The following ALOX5 variants were observed in gnomAD, a reference collection of about 807,000 sequenced individuals.
ALOX5 encodes the protein polyunsaturated fatty acid 5-lipoxygenase.
A neutral mutation model predicts 87.9 loss-of-function variants in ALOX5; 64 were observed. That is an observed-to-expected ratio of 0.73 (90% confidence interval 0.60 to 0.90). ALOX5 has a LOEUF of 0.90. Among genes scored for constraint, ALOX5 ranks in the 40% least tolerant of loss-of-function variants. The pLI is 0.00. For synonymous variants in ALOX5, 388 were observed against 355.1 expected (o/e 1.09, Z -1.04); for missense variants, 822 against 907.5 (o/e 0.91, Z 1.21).
At chr10:45,437,803 A>G (rs1452978486) in intron 7 of ALOX5, among the ~76,000 whole-genome samples, 1 of 152,278 alleles carries the variant, frequency 6.6e-6, no homozygotes, top group Non-Finnish European at 1.5e-5. Context: ...CAATGGAGAC[A>G]GGACACGGTA....
chr10:45,443,991 G>T, intron 12 of ALOX5, 125 bp from the exon 13 acceptor site: 2 of 1,436,946 alleles, frequency 1.4e-6, no homozygotes, highest in Non-Finnish European at 1.9e-6. Context: ...CTGGCCGCGG[G>T]GAAAGAGGAT....
At chr10:45,392,228 C>G (rs951020008) in intron 2 of ALOX5, among the ~76,000 whole-genome samples, 15 of 152,272 alleles carry the variant, frequency 9.9e-5, no homozygotes, top group Admixed American at 7.2e-4. Context: ...TCATTGAGAA[C>G]GGGCCATGAT....
intron 13 of ALOX5, 48 bp from the exon 14 acceptor site, chr10:45,445,460 C>T (rs984154419): frequency 3.2e-6 from 5 of 1,581,050 alleles, no homozygotes; most frequent in South Asian, 1.1e-5. Context: ...TGTCAGTTTA[C>T]ACGGGTAGTG....
intron 2 of ALOX5, among the ~76,000 whole-genome samples, chr10:45,392,549 T>A (rs1034560058): frequency 2.0e-5 from 3 of 151,868 alleles, no homozygotes; most frequent in African/African-American, 7.3e-5. Context: ...TAATCTCAAG[T>A]ACCCAGGGAC....
intron 4 of ALOX5, among the ~76,000 whole-genome samples, chr10:45,414,320 A>C (rs1841185975): frequency 1.3e-5 from 2 of 152,350 alleles, no homozygotes; most frequent in South Asian, 4.1e-4. Flanking sequence ...CAAACCTGAC[A>C]AAAACAAGCA....
At chr10:45,424,257 G>T in intron 5 of ALOX5, 110 bp downstream of exon 5, 5 of 898,902 alleles carry the variant, frequency 5.6e-6, no homozygotes, top group Non-Finnish European at 9.1e-6. Flanking sequence ...TGCAGCATGG[G>T]GGCCTCGCTG....
chr10:45,408,049 C>T (rs1444691627), intron 3 of ALOX5, among the ~76,000 whole-genome samples: 1 of 152,102 alleles, frequency 6.6e-6, no homozygotes, highest in African/African-American at 2.4e-5. Context: ...TAAAGGAGTT[C>T]TTCTTTTATT....
chr10:45,417,125 C>T (rs1003265697), intron 4 of ALOX5, among the ~76,000 whole-genome samples: 1 of 152,034 alleles, frequency 6.6e-6, no homozygotes, highest in African/African-American at 2.4e-5. Flanking sequence ...ACCCACCTGG[C>T]CCCTGAGTGC....
At position 45,445,688 on chromosome 10, in the gene ALOX5, G is replaced by C; in HGVS notation, c.*1G>C. 2 of 1,608,286 alleles carry C rather than the reference G, an allele frequency of 1.2e-6. No individual in the cohort carries two copies. The highest frequency in any genetic ancestry group is 1.7e-6 in the Non-Finnish European group (2 of 1,175,560). On this transcript the variant is annotated 3_prime_UTR_variant, in exon 14 of 14. Coordinates refer to ENST00000374391, the MANE Select transcript of ALOX5 (RefSeq NM_000698.5). The stretch of plus-strand genomic sequence containing the variant: ...GATTCCGAACAGTGTGGCCATCTGA[G>C]CACACTGCCAGTCTCACTGTGGGAA...
chr10:45,443,953 A>G (rs752191522), intron 12 of ALOX5, 125 bp downstream of exon 12: 23 of 1,437,554 alleles, frequency 1.6e-5, no homozygotes, highest in Non-Finnish European at 2.2e-5. Flanking sequence ...GACTTGCAGG[A>G]TGGATTCTGC....
At chr10:45,414,585 A>G (rs113124877) in intron 4 of ALOX5, among the ~76,000 whole-genome samples, 2,664 of 152,330 alleles carry the variant, frequency 0.017, 75 homozygotes, top group African/African-American at 0.059. Context: ...AAAATGGACA[A>G]ATGGGATCTA....
In ALOX5 at chr10:45,443,748, A is replaced by G; in HGVS notation, c.1594A>G (p.Ser532Gly). The change falls in exon 12 of 14, where the codon AGC becomes GGC. Residue 532 changes from serine (S) to glycine (G), a missense_variant. Transcript: ENST00000374391. ...CCTAGGCTTCCCCAAGTCGGTCAAG[A>G]GCCGGGAGCAGCTGTCGGAGTACCT... The part of the protein sequence containing the change: ...KSSGFPKSVK[S>G]REQLSEYLTV... The G allele has an allele frequency of 6.2e-7, 1 of 1,612,144 alleles. No individual in the cohort carries two copies.
At position 45,440,418 on chromosome 10, in the gene ALOX5, C is replaced by T. The variant is rs370360074; in HGVS notation, c.982-12C>T. 1.4e-5 allele frequency: 22 copies of T among 1,613,152 alleles called. No homozygotes were observed. The African/African-American group carries it at 2.5e-4, about 19-fold the overall frequency. On this transcript the variant is annotated splice_polypyrimidine_tract_variant and intron_variant, in intron 7 of 13. Coordinates refer to ENST00000374391, the MANE Select transcript of ALOX5 (RefSeq NM_000698.5). The stretch of plus-strand genomic sequence containing the variant: ...AATATAGCAGTGTGTTTCCTTTCCC[C>T]CAATGTATCAGCTCAACCAAATCCC...
rs151283973 is a variant in ALOX5 at position 45,421,112 on chromosome 10, G to C, written c.555-2929G>C. On this transcript the variant is annotated intron_variant, in intron 4 of 13. Coordinates refer to ENST00000374391, the MANE Select transcript of ALOX5 (RefSeq NM_000698.5). Reference sequence around the variant, plus strand: ...GCCTGGTGCCCTCTCTGGCTTGCAGGGTCCTTCTTTTTACAAAAGCGGGTC... The same window carrying C: ...GCCTGGTGCCCTCTCTGGCTTGCAGCGTCCTTCTTTTTACAAAAGCGGGTC... 2.0e-3 allele frequency among the ~76,000 whole-genome samples: 301 copies of C among 152,294 alleles called. 3 individuals carry two copies. Among genetic ancestry groups the C allele is most frequent in the African/African-American group, 6.9e-3 (286 of 41,566 alleles).
intron 3 of ALOX5, among the ~76,000 whole-genome samples, chr10:45,406,232 T>C (rs948085776): frequency 6.6e-6 from 1 of 152,186 alleles, no homozygotes; most frequent in African/African-American, 2.4e-5. Flanking sequence ...CAGAGAATAG[T>C]AGTAGGCACA....
At chr10:45,433,865 G>A (rs76404852) in intron 7 of ALOX5, among the ~76,000 whole-genome samples, 48 of 152,232 alleles carry the variant, frequency 3.2e-4, no homozygotes, top group Non-Finnish European at 5.6e-4. Context: ...CCTCAGTTCC[G>A]TCTTATCTGA....
intron 1 of ALOX5, 94 bp from the exon 2 acceptor site, chr10:45,382,389 A>G (rs1300978931): frequency 7.5e-7 from 1 of 1,332,876 alleles, no homozygotes; most frequent in Non-Finnish European, 1.1e-6. Flanking sequence ...TCCCTGTGCC[A>G]CAGCAGCATA....
intron 6 of ALOX5, among the ~76,000 whole-genome samples, chr10:45,427,645 A>G (rs1176906805): frequency 6.6e-6 from 1 of 152,094 alleles, no homozygotes; most frequent in Non-Finnish European, 1.5e-5. Flanking sequence ...CGCAGCCGGG[A>G]CCCTCACCCT....
chr10:45,399,689 A>G (rs1268887674), intron 3 of ALOX5, among the ~76,000 whole-genome samples: 3 of 152,252 alleles, frequency 2.0e-5, no homozygotes, highest in African/African-American at 4.8e-5. Flanking sequence ...GACATCATCA[A>G]TAAAGTGAAA....
Sources: gnomAD v4.1 joint callset for allele counts (sites outside exome capture counted in the v4.1 genomes callset) on GRCh38, gnomAD v4.1.1 for gene constraint, MANE v1.5 for transcripts, NCBI Gene and HGNC (gene_info 2026-07-23, HGNC 2026-07-21) for gene names.